Variants in DYRK1A observed in about 807,000 individuals in gnomAD.
DYRK1A encodes the protein dual specificity tyrosine phosphorylation regulated kinase 1A.
DYRK1A carries 9 observed loss-of-function variants against 79.7 expected under a neutral mutation model. The ratio of observed to expected loss-of-function variants is 0.11; its 90% CI spans 0.07 to 0.20. The LOEUF is 0.20. DYRK1A is among the 10% of genes least tolerant of loss of function. The pLI is 1.00. For synonymous variants in DYRK1A, 349 were observed against 329.7 expected (o/e 1.06, Z -0.63); for missense variants, 622 against 956.0 (o/e 0.65, Z 4.61).
At chr21:37,424,467 A>AT (rs59874990) in intron 2 of DYRK1A, among the ~76,000 whole-genome samples, 2 of 151,870 alleles carry the variant, frequency 1.3e-5, no homozygotes, top group South Asian at 2.1e-4. Flanking sequence ...TTTTCATGCC[A>AT]TTTTTTTAAC....
chr21:37,400,797 A>T (rs1168592439), intron 1 of DYRK1A, among the ~76,000 whole-genome samples: 1 of 152,206 alleles, frequency 6.6e-6, no homozygotes, highest in African/African-American at 2.4e-5. Flanking sequence ...GCAGAAGAGT[A>T]GCCAAAAATA....
intron 1 of DYRK1A, among the ~76,000 whole-genome samples, chr21:37,372,955 A>C (rs2049462134): frequency 6.6e-6 from 1 of 152,148 alleles, no homozygotes; most frequent in Non-Finnish European, 1.5e-5. Context: ...TTGTTCATTA[A>C]ATTTCATTTA....
intron 9 of DYRK1A, chr21:37,503,468 C>G (rs542241180): frequency 5.3e-5 from 8 of 152,318 alleles, no homozygotes; most frequent in African/African-American, 9.6e-5. Context: ...GTCACCCAGG[C>G]TAGAGTGCAA....
In DYRK1A at chr21:37,454,085, C is replaced by CTTTTTTTTTTTTTTTTT. The variant is rs571859735; in HGVS notation, c.11-18590_11-18574dup. ...CTTTCATATTATGAGATGTAGTCTC[C>CTTTTTTTTTTTTTTTTT]TTTTTTTTTTTTTTTTTTTTTTTTT... On this transcript the variant is annotated intron_variant, in intron 2 of 11. Transcript: ENST00000647188. Among the ~76,000 whole-genome samples, 13 of 59,626 alleles carry CTTTTTTTTTTTTTTTTT rather than the reference C, an allele frequency of 2.2e-4. 2 individuals carry two copies. The East Asian group carries it at 2.5e-3, about 11-fold the overall frequency. The allele number at this position is 59,626 out of a possible 152,430, so 39.1% of individuals were successfully genotyped here. A position where few individuals can be genotyped will look rare whatever the true frequency, so the allele number is the denominator to read the frequency against.
intron 11 of DYRK1A, among the ~76,000 whole-genome samples, chr21:37,507,747 C>T (rs868294306): frequency 4.8e-5 from 7 of 146,534 alleles, no homozygotes; most frequent in South Asian, 4.3e-4. Flanking sequence ...GGGTGTTCCT[C>T]GAGGCATGAC....
chr21:37,437,580 T>G (rs147862141), intron 2 of DYRK1A, among the ~76,000 whole-genome samples: 2 of 152,230 alleles, frequency 1.3e-5, no homozygotes. Flanking sequence ...TAATGAAGAT[T>G]TATTACTTCA....
At chr21:37,421,654 A>G (rs1378640425) in intron 2 of DYRK1A, 3 of 152,154 alleles carry the variant, frequency 2.0e-5, no homozygotes, top group Admixed American at 1.3e-4. Flanking sequence ...AAGCAACGTG[A>G]TGCTGAAGCT....
At chr21:37,459,700 C>CG (rs2051775068) in intron 2 of DYRK1A, among the ~76,000 whole-genome samples, 1 of 152,158 alleles carries the variant, frequency 6.6e-6, no homozygotes, top group Non-Finnish European at 1.5e-5. Flanking sequence ...AGACATGATA[C>CG]TGCCTGACAG....
In DYRK1A at chr21:37,395,994, C is replaced by T. The variant is rs2049953894; in HGVS notation, c.-76-24305C>T. ...CCACACAAAACATAGGAGATGTTCT[C>T]TCAGGGACATGTTCTTAAGTCATTG... On this transcript the variant is annotated intron_variant, in intron 1 of 11. Coordinates refer to ENST00000647188, the MANE Select transcript of DYRK1A (RefSeq NM_001347721.2). Among the ~76,000 whole-genome samples, 3 of 152,220 alleles carry T rather than the reference C, an allele frequency of 2.0e-5. No individual in the cohort carries two copies. In the South Asian group the frequency reaches 6.2e-4, roughly 32 times the overall value.
In DYRK1A at chr21:37,514,506, T is replaced by G. The variant is rs914264554; in HGVS notation, c.*1975T>G. ...CGTTTCATTCTATTGGTCAATTCCA[T>G]GTGGCTGACTAGGTCAATTTTTTTT... On this transcript the variant is annotated 3_prime_UTR_variant, in exon 12 of 12. Transcript: ENST00000647188. 1.3e-5 allele frequency: 2 copies of G among 152,664 alleles called. No individual in the cohort carries two copies. The highest frequency in any genetic ancestry group is 4.8e-5 in the African/African-American group (2 of 41,460). 9.5% of individuals were successfully genotyped at this position (152,664 alleles called of 1,614,324 possible).
chr21:37,401,066 G>A (rs2050043644), intron 1 of DYRK1A, among the ~76,000 whole-genome samples: 1 of 152,018 alleles, frequency 6.6e-6, no homozygotes, highest in Non-Finnish European at 1.5e-5. Flanking sequence ...ATTGCTTGAA[G>A]CCGAGAGGTG....
chr21:37,406,990 C>A (rs1423814748), intron 1 of DYRK1A, among the ~76,000 whole-genome samples: 26 of 150,944 alleles, frequency 1.7e-4, no homozygotes, highest in African/African-American at 5.8e-4. Flanking sequence ...ACCGCTCCTC[C>A]CCTAGCTCTC....
At chr21:37,377,760 A>C in intron 1 of DYRK1A, among the ~76,000 whole-genome samples, 1 of 152,078 alleles carries the variant, frequency 6.6e-6, no homozygotes, top group East Asian at 1.9e-4. Context: ...CCCAGCCTCT[A>C]TTGTTCTTAA....
chr21:37,475,350 T>C (rs1474416122), intron 3 of DYRK1A, among the ~76,000 whole-genome samples: 1 of 152,218 alleles, frequency 6.6e-6, no homozygotes, highest in East Asian at 1.9e-4. Flanking sequence ...GCTCTATTAC[T>C]GTACATTCTC....
intron 3 of DYRK1A, among the ~76,000 whole-genome samples, chr21:37,475,110 A>T (rs2052351895): frequency 6.6e-6 from 1 of 152,210 alleles, no homozygotes; most frequent in African/African-American, 2.4e-5. Flanking sequence ...TCTAAGCAGG[A>T]GGTTTGTAAT....
At chr21:37,412,265 A>G (rs1272251719) in intron 1 of DYRK1A, among the ~76,000 whole-genome samples, 1 of 152,232 alleles carries the variant, frequency 6.6e-6, no homozygotes, top group Admixed American at 6.5e-5. Context: ...TCAGAGGAAT[A>G]AGATAAGATC....
chr21:37,393,183 T>C (rs953621950), intron 1 of DYRK1A, among the ~76,000 whole-genome samples: 4 of 152,230 alleles, frequency 2.6e-5, no homozygotes, highest in African/African-American at 9.6e-5. Context: ...TCCAGGATGC[T>C]TGCCACATGA....
intron 1 of DYRK1A, among the ~76,000 whole-genome samples, chr21:37,417,224 CTTG>C (rs2050360043): frequency 6.6e-6 from 1 of 151,978 alleles, no homozygotes; most frequent in Admixed American, 6.6e-5. Context: ...GAGTTTCCCT[CTTG>C]TTGCCCAGGC....
chr21:37,422,534 T>A (rs1403373898), intron 2 of DYRK1A, among the ~76,000 whole-genome samples: 1 of 152,126 alleles, frequency 6.6e-6, no homozygotes, highest in Non-Finnish European at 1.5e-5. Flanking sequence ...TTTGTTCTGT[T>A]GGTTAGATGT....
Sources: gnomAD v4.1 joint callset for allele counts (sites outside exome capture counted in the v4.1 genomes callset) on GRCh38, gnomAD v4.1.1 for gene constraint, MANE v1.5 for transcripts, NCBI Gene and HGNC (gene_info 2026-07-23, HGNC 2026-07-21) for gene names.